CELF2: variants seen among roughly 807,000 people sequenced by gnomAD.
The protein encoded by CELF2 is CUGBP Elav-like family member 2, also known as CUG triplet repeat RNA-binding protein 2.
Under a neutral mutation model 62.6 loss-of-function variants are expected in CELF2, and 8 were observed. The ratio of observed to expected loss-of-function variants is 0.13; its 90% CI spans 0.07 to 0.23. CELF2 has a LOEUF of 0.23. Ranked by LOEUF, CELF2 falls within the 10% of genes least tolerant of loss-of-function variation. CELF2 has a pLI of 1.00. For missense variants in CELF2, 333 were observed against 671.0 expected (o/e 0.50, Z 5.56); for synonymous variants, 258 against 250.0 (o/e 1.03, Z -0.30).
chr10:11,078,351 A>C (rs1165529534), intron 1 of CELF2, among the ~76,000 whole-genome samples: 1 of 152,204 alleles, frequency 6.6e-6, no homozygotes, highest in Non-Finnish European at 1.5e-5. Flanking sequence ...TTGCTCACAG[A>C]AAATGATTAC....
At chr10:11,254,562 G>GA (rs1285786418) in intron 4 of CELF2, among the ~76,000 whole-genome samples, 2 of 152,084 alleles carry the variant, frequency 1.3e-5, no homozygotes, top group Non-Finnish European at 2.9e-5. Context: ...TTCGTCTTAG[G>GA]AAAAAAATCA....
chr10:11,058,154 A>G (rs1318157925), intron 1 of CELF2, among the ~76,000 whole-genome samples: 2 of 151,902 alleles, frequency 1.3e-5, no homozygotes, highest in African/African-American at 4.8e-5. Flanking sequence ...GTCGAGTTGT[A>G]GTATTTATTG....
the CELF2 span, among the ~76,000 whole-genome samples, chr10:10,713,325 G>T: frequency 6.6e-6 from 1 of 152,160 alleles, no homozygotes; most frequent in Non-Finnish European, 1.5e-5. Context: ...CATGTCCCTT[G>T]TCAGCAGTGA....
chr10:10,488,855 C>T, the CELF2 span, among the ~76,000 whole-genome samples: 1 of 152,034 alleles, frequency 6.6e-6, no homozygotes, highest in Admixed American at 6.6e-5. Flanking sequence ...AACCGTATAA[C>T]CAATGCAAGA....
At chr10:10,762,293 A>G in the CELF2 span, among the ~76,000 whole-genome samples, 1 of 152,090 alleles carries the variant, frequency 6.6e-6, no homozygotes, top group Admixed American at 6.6e-5. Flanking sequence ...TGGGAAATGT[A>G]AGGAGAGGCA....
At chr10:10,598,408 C>T in the CELF2 span, among the ~76,000 whole-genome samples, 1 of 152,150 alleles carries the variant, frequency 6.6e-6, no homozygotes, top group Non-Finnish European at 1.5e-5. Context: ...GTACAAGGGC[C>T]ATGATTTATG....
chr10:11,119,874 C>T (rs901291980), intron 1 of CELF2, among the ~76,000 whole-genome samples: 3 of 141,992 alleles, frequency 2.1e-5, no homozygotes, highest in Non-Finnish European at 4.6e-5. Context: ...TCCCCCCCCC[C>T]GGCCCCCGCT....
chr10:10,550,446 T>C, the CELF2 span, among the ~76,000 whole-genome samples: 1 of 152,164 alleles, frequency 6.6e-6, no homozygotes, highest in Admixed American at 6.5e-5. Flanking sequence ...GAAGCCACTA[T>C]CCTGGATGGC....
Position 10,936,689 on chromosome 10 carries a change from C to T in CELF2, c.89+16690C>T, listed in dbSNP as rs1391274794. The stretch of plus-strand genomic sequence containing the variant: ...CTGGGGACAAAATCTTCATTTCTAG[C>T]GTTTTCCACCATAACCTTGTTCTGG... On this transcript the variant is annotated intron_variant, in intron 2 of 13. Coordinates refer to the CELF2 transcript ENST00000636488. The surrounding 1 kb of genome is among the most constrained non-coding windows in gnomAD (Gnocchi z 4.0). 2 of 152,232 alleles carry T rather than the reference C, an allele frequency of 1.3e-5. No homozygotes were observed. The highest frequency in any genetic ancestry group is 2.1e-4 in the South Asian group (1 of 4,824). The allele number at this position is 152,232 out of a possible 1,614,324, so 9.4% of individuals were successfully genotyped here.
chr10:10,717,812 C>T, the CELF2 span, among the ~76,000 whole-genome samples: 18,556 of 152,110 alleles, frequency 0.12, 1,433 homozygotes, highest in Middle Eastern at 0.17. Context: ...CTCCCTACTT[C>T]TTTCAAAGGA....
At position 10,873,761 on chromosome 10, in the gene CELF2, A is replaced by G. The variant is rs985017217; in HGVS notation, c.54-46203A>G. Reference sequence around the variant, plus strand: ...GCTCTGGAATTTATTTTTCCAACCCATCGTCCCTATCCAGTTCTCCCTGTC... The same window carrying G: ...GCTCTGGAATTTATTTTTCCAACCCGTCGTCCCTATCCAGTTCTCCCTGTC... On this transcript the variant is annotated intron_variant, in intron 1 of 13. Coordinates refer to the CELF2 transcript ENST00000636488. Among the ~76,000 whole-genome samples, 4 of 152,262 alleles carry G rather than the reference A, an allele frequency of 2.6e-5. 1 individual carries two copies. Among genetic ancestry groups the G allele is most frequent in the African/African-American group, 4.8e-5 (2 of 41,556 alleles).
chr10:10,690,429 CAT>C, the CELF2 span, among the ~76,000 whole-genome samples: 1 of 152,142 alleles, frequency 6.6e-6, no homozygotes, highest in Non-Finnish European at 1.5e-5. Flanking sequence ...TATGCACACA[CAT>C]AGATTAAAAT....
chr10:11,276,470 G>A (rs1209661417), intron 8 of CELF2, among the ~76,000 whole-genome samples: 1 of 152,214 alleles, frequency 6.6e-6, no homozygotes, highest in East Asian at 1.9e-4. Context: ...ACATTGAATG[G>A]TTAATTTATT....
intron 9 of CELF2, among the ~76,000 whole-genome samples, chr10:11,291,252 C>A (rs1456014753): frequency 2.0e-5 from 3 of 152,174 alleles, no homozygotes; most frequent in African/African-American, 2.4e-5. Flanking sequence ...AGGGACAATT[C>A]AATCCCCCAA....
At chr10:10,969,367 C>A (rs201084) in intron 2 of CELF2, among the ~76,000 whole-genome samples, 17,107 of 152,100 alleles carry the variant, frequency 0.11, 3,270 homozygotes, top group African/African-American at 0.39. Context: ...GGTGAGTGAT[C>A]TCTAAGAACT....
chr10:11,005,244 CAGAGAGAGAGGGAGAGAG>C (rs1283053509), upstream of CELF2: 10 of 1,422,180 alleles, frequency 7.0e-6, no homozygotes, highest in East Asian at 4.9e-5. This position sits in a 1 kb window ranked among gnomAD's most constrained non-coding sequence, Gnocchi z 4.3. Flanking sequence ...AGTGGGAAGA[CAGAGAGAGAGGGAGAGAG>C]AGAGAGAGAG....
intron 2 of CELF2, among the ~76,000 whole-genome samples, chr10:11,203,553 G>T (rs761678355): frequency 6.6e-6 from 1 of 152,208 alleles, no homozygotes; most frequent in Non-Finnish European, 1.5e-5. Flanking sequence ...ATCAGGCCAG[G>T]CTTTATCGGG....
At chr10:10,639,403 GA>G in the CELF2 span, among the ~76,000 whole-genome samples, 1 of 152,152 alleles carries the variant, frequency 6.6e-6, no homozygotes, top group African/African-American at 2.4e-5. Flanking sequence ...ATGCCTCTTT[GA>G]AAATGTTTCT....
chr10:10,932,874 G>T (rs897667076), intron 2 of CELF2, among the ~76,000 whole-genome samples: 12 of 152,158 alleles, frequency 7.9e-5, no homozygotes, highest in African/African-American at 2.4e-4. Context: ...AGTGTCTGGA[G>T]ATGGAGACCC....
Sources: gnomAD v4.1 joint callset for allele counts (sites outside exome capture counted in the v4.1 genomes callset) on GRCh38, gnomAD v4.1.1 for gene constraint, Gnocchi (gnomAD v3.1) non-coding constraint, MANE v1.5 for transcripts, NCBI Gene and HGNC (gene_info 2026-07-23, HGNC 2026-07-21) for gene names.